The following ADAMTS12 variants were observed in gnomAD, a reference collection of about 807,000 sequenced individuals.
ADAMTS12 encodes ADAM metallopeptidase with thrombospondin type 1 motif 12, also known as A disintegrin and metalloproteinase with thrombospondin motifs 12.
Under a neutral mutation model 167.8 loss-of-function variants are expected in ADAMTS12, and 118 were observed. That is an observed-to-expected ratio of 0.70 (90% CI 0.61 to 0.82). ADAMTS12 has a LOEUF of 0.82. Ranked by LOEUF, ADAMTS12 falls within the 40% of genes least tolerant of loss-of-function variation. ADAMTS12 has a pLI of 0.00. For synonymous variants in ADAMTS12, 704 were observed against 716.9 expected, an observed-to-expected ratio of 0.98 and a Z score of 0.29; for missense variants, 1,916 against 1,998.8, an observed-to-expected ratio of 0.96 and a Z score of 0.79.
intron 13 of ADAMTS12, among the ~76,000 whole-genome samples, chr5:33,630,136 A>C (rs1448191013): frequency 6.6e-6 from 1 of 152,218 alleles, no homozygotes; most frequent in South Asian, 2.1e-4. Flanking sequence ...AATTAAAAAC[A>C]CTTTCTCTTT....
chr5:33,773,758 GC>G (rs1745823891), intron 2 of ADAMTS12, among the ~76,000 whole-genome samples: 1 of 152,160 alleles, frequency 6.6e-6, no homozygotes, highest in Admixed American at 6.5e-5. Context: ...TGAAAAAGTT[GC>G]TTTTTGAGGG....
intron 2 of ADAMTS12, among the ~76,000 whole-genome samples, chr5:33,794,855 C>T (rs946666223): frequency 2.0e-5 from 3 of 152,206 alleles, no homozygotes; most frequent in Non-Finnish European, 4.4e-5. Context: ...CTATGAATCA[C>T]ATCCTGAGCT....
intron 19 of ADAMTS12, among the ~76,000 whole-genome samples, chr5:33,561,727 G>A (rs1373482235): frequency 2.6e-5 from 4 of 152,192 alleles, no homozygotes; most frequent in Admixed American, 2.6e-4. Flanking sequence ...GCTGAAGTGA[G>A]CTATGATTGC....
chr5:33,660,733 C>A (rs765345865), intron 6 of ADAMTS12, among the ~76,000 whole-genome samples: 4 of 152,164 alleles, frequency 2.6e-5, no homozygotes, highest in Non-Finnish European at 4.4e-5. Context: ...ACATTCCACA[C>A]CCATGCTATT....
intron 13 of ADAMTS12, among the ~76,000 whole-genome samples, chr5:33,628,851 G>T (rs1335340406): frequency 6.6e-6 from 1 of 152,050 alleles, no homozygotes; most frequent in Non-Finnish European, 1.5e-5. Flanking sequence ...ACAGAAAGTG[G>T]GTAATTATAG....
At chr5:33,811,184 A>T (rs1747448044) in intron 2 of ADAMTS12, among the ~76,000 whole-genome samples, 1 of 152,240 alleles carries the variant, frequency 6.6e-6, no homozygotes, top group Non-Finnish European at 1.5e-5. Flanking sequence ...ATCAAATTCA[A>T]TAATGAAATG....
At chr5:33,743,535 C>T (rs2060071101) in intron 3 of ADAMTS12, among the ~76,000 whole-genome samples, 1 of 152,226 alleles carries the variant, frequency 6.6e-6, no homozygotes, top group Admixed American at 6.5e-5. Context: ...CTCCTCTCTA[C>T]CCAAGAGCTC....
chr5:33,657,509 T>G (rs1005257203), intron 7 of ADAMTS12, among the ~76,000 whole-genome samples: 6 of 152,216 alleles, frequency 3.9e-5, no homozygotes, highest in Admixed American at 2.6e-4. Flanking sequence ...ACCTCTGATA[T>G]CTGGTGAATT....
chr5:33,637,307 A>G (rs929401848), intron 12 of ADAMTS12, among the ~76,000 whole-genome samples: 2 of 152,170 alleles, frequency 1.3e-5, no homozygotes, highest in Admixed American at 6.5e-5. Context: ...TAATGGCTCA[A>G]TTGCACCTCA....
At chr5:33,602,059 T>C (rs1738214749) in intron 16 of ADAMTS12, among the ~76,000 whole-genome samples, 1 of 152,126 alleles carries the variant, frequency 6.6e-6, no homozygotes, top group East Asian at 1.9e-4. Flanking sequence ...CTCACAGCTC[T>C]CATGGGTTAA....
At chr5:33,573,510 T>C (rs1380814370) in intron 19 of ADAMTS12, among the ~76,000 whole-genome samples, 1 of 152,206 alleles carries the variant, frequency 6.6e-6, no homozygotes, top group African/African-American at 2.4e-5. Context: ...ATTCCCTATT[T>C]AATAAATGGT....
chr5:33,776,028 T>C (rs571376947), intron 2 of ADAMTS12, among the ~76,000 whole-genome samples: 1 of 152,206 alleles, frequency 6.6e-6, no homozygotes, highest in South Asian at 2.1e-4. Context: ...AACATAACAA[T>C]TGTACATAAA....
chr5:33,838,461 T>C (rs112228504), intron 2 of ADAMTS12, among the ~76,000 whole-genome samples: 2,838 of 152,152 alleles, frequency 0.019, 45 homozygotes, highest in African/African-American at 0.04. Flanking sequence ...AGAAGGCAGA[T>C]CACTTGAGGT....
chr5:33,766,597 T>C (rs944099518), intron 2 of ADAMTS12, among the ~76,000 whole-genome samples: 5 of 152,184 alleles, frequency 3.3e-5, no homozygotes, highest in African/African-American at 1.2e-4. Flanking sequence ...GAACTGGATG[T>C]CAGGTACACA....
chr5:33,568,557 T>C (rs536669628), intron 19 of ADAMTS12, among the ~76,000 whole-genome samples: 54 of 152,366 alleles, frequency 3.5e-4, no homozygotes, highest in Middle Eastern at 6.8e-3. Flanking sequence ...ATCAGTTAAC[T>C]GTTACAAATC....
chr5:33,617,593 CG>C (rs1739091108), intron 14 of ADAMTS12, among the ~76,000 whole-genome samples: 1 of 151,800 alleles, frequency 6.6e-6, no homozygotes, highest in Non-Finnish European at 1.5e-5. Context: ...TGACCACCTC[CG>C]GGAAGATATT....
At chr5:33,807,173 C>T (rs1041662421) in intron 2 of ADAMTS12, among the ~76,000 whole-genome samples, 8 of 152,176 alleles carry the variant, frequency 5.3e-5, no homozygotes, top group African/African-American at 1.4e-4. Flanking sequence ...ACATTCCCTT[C>T]GGCCTTTGGA....
At chr5:33,740,996 C>T (rs1262650470) in intron 3 of ADAMTS12, among the ~76,000 whole-genome samples, 1 of 152,250 alleles carries the variant, frequency 6.6e-6, no homozygotes, top group East Asian at 1.9e-4. Context: ...AAGCACTACA[C>T]CCCAAGCATG....
At position 33,676,738 on chromosome 5, in the gene ADAMTS12, TA is replaced by T. The variant is rs571523362; in HGVS notation, c.915+6279del. Among the ~76,000 whole-genome samples the T allele has an allele frequency of 2.7e-3, 406 of 150,604 alleles. 1 individual carries two copies. The highest frequency in any genetic ancestry group is 9.6e-3 in the African/African-American group (389 of 40,592). ...GAGAGAGAGAGAGAGAGAATAAGTC[TA>T]AAAATTCTTTGCCAGTATTTTTGAC... is the stretch of plus-strand genomic sequence containing the variant. On this transcript the variant is annotated intron_variant, in intron 5 of 23. Coordinates refer to ENST00000504830, the MANE Select transcript of ADAMTS12 (RefSeq NM_030955.4).
Sources: gnomAD v4.1 joint callset for allele counts (sites outside exome capture counted in the v4.1 genomes callset) on GRCh38, gnomAD v4.1.1 for gene constraint, MANE v1.5 for transcripts, NCBI Gene and HGNC (gene_info 2026-07-23, HGNC 2026-07-21) for gene names.